The following SLC1A4 variants were observed in gnomAD, a reference collection of about 807,000 sequenced individuals.
SLC1A4 encodes neutral amino acid transporter A.
In SLC1A4, 19 loss-of-function variants were observed where a neutral mutation model predicts 37.7. That is an observed-to-expected ratio of 0.50 (90% confidence interval 0.35 to 0.74). The LOEUF (loss-of-function observed/expected upper bound fraction) is 0.74. Ranked by LOEUF, SLC1A4 falls within the 30% of genes least tolerant of loss-of-function variation. SLC1A4 has a pLI of 0.01. For synonymous variants in SLC1A4, 299 were observed against 309.8 expected, an observed-to-expected ratio of 0.97 and a Z score of 0.37; for missense variants, 570 against 712.9, an observed-to-expected ratio of 0.80 and a Z score of 2.28.
chr2:65,008,545 G>GT (rs1291056221), intron 3 of SLC1A4, among the ~76,000 whole-genome samples: 4 of 152,302 alleles, frequency 2.6e-5, no homozygotes, highest in South Asian at 4.1e-4. Flanking sequence ...GGAGGCTGAG[G>GT]TAAGAGGATT....
chr2:64,990,185 C>G lies in SLC1A4; in HGVS notation c.527+15C>G, dbSNP rs1673000727. 1 of 1,578,488 alleles carries G rather than the reference C, an allele frequency of 6.3e-7. No homozygotes were observed. The highest frequency in any genetic ancestry group is 1.3e-5 in the African/African-American group (1 of 74,306). On this transcript the variant is annotated intron_variant, in intron 1 of 7. Coordinates refer to ENST00000234256, the MANE Select transcript of SLC1A4 (RefSeq NM_003038.5). ...GACCTGGCCAGGTAACACTCTCCAC[C>G]TCTCCCAGGGCCCAGTGGGAGACGC...
At chr2:64,998,772 G>C (rs1673361794) in intron 1 of SLC1A4, among the ~76,000 whole-genome samples, 1 of 152,246 alleles carries the variant, frequency 6.6e-6, no homozygotes, top group Non-Finnish European at 1.5e-5. Flanking sequence ...CTTTAGAAGA[G>C]AATGCATTCA....
At chr2:64,991,306 CG>C (rs1673040618) in intron 1 of SLC1A4, among the ~76,000 whole-genome samples, 1 of 150,964 alleles carries the variant, frequency 6.6e-6, no homozygotes, top group African/African-American at 2.4e-5. Context: ...CTAGGACATC[CG>C]TATTTAAAAA....
chr2:65,021,151 G>A lies in SLC1A4; in HGVS notation c.*5G>A, dbSNP rs766284124. 1.6e-5 allele frequency: 25 copies of A among 1,610,524 alleles called. No individual in the cohort carries two copies. The Admixed American group carries it at 3.0e-4, about 19-fold the overall frequency. On this transcript the variant is annotated 3_prime_UTR_variant, in exon 8 of 8. Coordinates refer to ENST00000234256, the MANE Select transcript of SLC1A4 (RefSeq NM_003038.5). ...TCCAAGGAGTCGGTTCTGTGATGGG[G>A]CTGGGCTTTGGGCTTGCCTGCCAGC... is the stretch of plus-strand genomic sequence containing the variant.
rs766264960 is a variant in SLC1A4 at position 64,989,625 on chromosome 2, C to G, written c.-19C>G. The G allele has an allele frequency of 3.3e-5, 49 of 1,478,420 alleles. No individual in the cohort carries two copies. Among genetic ancestry groups the G allele is most frequent in the Non-Finnish European group, 4.4e-5 (49 of 1,120,750 alleles). The allele number at this position is 1,478,420 out of a possible 1,614,324, so 91.6% of individuals were successfully genotyped here. A position where few individuals can be genotyped will look rare whatever the true frequency, so the allele number is the denominator to read the frequency against. The stretch of plus-strand genomic sequence containing the variant: ...CCCACGTCCCCTGCCACCTCTAGCT[C>G]GGAGCGGCGTGTAGCGCCATGGAGA... On this transcript the variant is annotated 5_prime_UTR_variant, in exon 1 of 8. Transcript: ENST00000234256.
chr2:65,007,278 GTGT>G lies in SLC1A4; in HGVS notation c.633+3264_633+3266del, dbSNP rs574015699. ...AGATAGGAAGAGTGTGTTTGTGTGT[GTGT>G]GTGTGTGTCTGTGGTGATGGGTACT... On this transcript the variant is annotated intron_variant, in intron 3 of 7. Coordinates refer to ENST00000234256, the MANE Select transcript of SLC1A4 (RefSeq NM_003038.5). 2.6e-4 allele frequency among the ~76,000 whole-genome samples: 39 copies of G among 151,506 alleles called. No individual in the cohort carries two copies. In the South Asian group the frequency reaches 7.7e-3, roughly 30 times the overall value.
chr2:65,010,785 A>T (rs754532013), intron 4 of SLC1A4, 22 bp downstream of exon 4: 2 of 1,597,020 alleles, frequency 1.3e-6, no homozygotes, highest in Admixed American at 3.5e-5. Flanking sequence ...TTTGCTGCCT[A>T]CTCTCTCTCT....
intron 4 of SLC1A4, among the ~76,000 whole-genome samples, chr2:65,013,630 A>G (rs1460446249): frequency 6.6e-6 from 1 of 152,240 alleles, no homozygotes; most frequent in Non-Finnish European, 1.5e-5. Flanking sequence ...GTCTAACTGC[A>G]GCAAGAGAGC....
Position 65,021,314 on chromosome 2 carries a change from C to T in SLC1A4, c.*168C>T. On this transcript the variant is annotated 3_prime_UTR_variant, in exon 8 of 8. Coordinates refer to ENST00000234256, the MANE Select transcript of SLC1A4 (RefSeq NM_003038.5). ...CCTCTCGGCACTGGCATTGGGCTCC[C>T]CAGCCGGAACTGGTTACCAAGGACA... 1.6e-6 allele frequency: 1 copy of T among 608,050 alleles called. No homozygotes were observed. 37.7% of individuals were successfully genotyped at this position (608,050 alleles called of 1,614,324 possible).
At chr2:65,008,598 G>A (rs949586482) in intron 3 of SLC1A4, among the ~76,000 whole-genome samples, 6 of 152,038 alleles carry the variant, frequency 3.9e-5, no homozygotes, top group Non-Finnish European at 7.4e-5. Context: ...CCGTGTTCAC[G>A]CCACTGCACT....
chr2:65,003,927 G>A (rs62140369), intron 2 of SLC1A4, 26 bp from the exon 3 acceptor site: 22 of 1,595,736 alleles, frequency 1.4e-5, no homozygotes, highest in Non-Finnish European at 1.8e-5. Context: ...CACTAACAGT[G>A]GGTTTTTTTT....
Position 65,021,268 on chromosome 2 carries a change from C to T in SLC1A4, c.*122C>T. On this transcript the variant is annotated 3_prime_UTR_variant, in exon 8 of 8. Coordinates refer to ENST00000234256, the MANE Select transcript of SLC1A4 (RefSeq NM_003038.5). ...TACCCTCCCAAGCAATGCTTTGGCC[C>T]AGTCGCTGGCCTGAGGCTTACCTCT... 8 of 753,884 alleles carry T rather than the reference C, an allele frequency of 1.1e-5. No homozygotes were observed. In the South Asian group the frequency reaches 1.3e-4, roughly 12 times the overall value. 46.7% of individuals were successfully genotyped at this position (753,884 alleles called of 1,614,324 possible). A position where few individuals can be genotyped will look rare whatever the true frequency, so the allele number is the denominator to read the frequency against.
intron 1 of SLC1A4, among the ~76,000 whole-genome samples, chr2:64,991,935 G>A (rs896942598): frequency 6.6e-6 from 1 of 152,300 alleles, no homozygotes; most frequent in East Asian, 1.9e-4. Context: ...TAGAGATGGG[G>A]TTTCACTATG....
At chr2:65,013,011 G>A (rs1023156100) in intron 4 of SLC1A4, among the ~76,000 whole-genome samples, 57 of 152,278 alleles carry the variant, frequency 3.7e-4, no homozygotes, top group Middle Eastern at 3.4e-3. Context: ...CAGTTCTACA[G>A]GCTATACAGG....
chr2:65,008,679 T>C (rs1673783480), intron 3 of SLC1A4, among the ~76,000 whole-genome samples: 1 of 152,164 alleles, frequency 6.6e-6, no homozygotes. Context: ...TCTTATTGTC[T>C]ATGGAATTAA....
At chr2:65,000,253 A>G (rs1048252406) in intron 1 of SLC1A4, 3 of 152,178 alleles carry the variant, frequency 2.0e-5, no homozygotes, top group African/African-American at 7.2e-5. Context: ...CAGTAAAACT[A>G]TTTGCATGAA....
chr2:65,017,305 A>G (rs1060315), intron 5 of SLC1A4, among the ~76,000 whole-genome samples: 6,919 of 151,374 alleles, frequency 0.046, 512 homozygotes, highest in African/African-American at 0.16. Context: ...GGATTGTCTC[A>G]TTTGGCACAA....
At chr2:65,005,952 A>G (rs1258490020) in intron 3 of SLC1A4, among the ~76,000 whole-genome samples, 1 of 152,038 alleles carries the variant, frequency 6.6e-6, no homozygotes, top group Middle Eastern at 3.2e-3. Context: ...GCAGTGAGTC[A>G]TGATCGTGCC....
At chr2:65,020,851 C>A in intron 7 of SLC1A4, 61 bp from the exon 8 acceptor site, 1 of 1,409,150 alleles carries the variant, frequency 7.1e-7, no homozygotes, top group South Asian at 1.2e-5. Flanking sequence ...TCCAGGCTGC[C>A]TGTGACAGGA....
Sources: allele counts gnomAD v4.1 joint callset (sites outside exome capture counted in the v4.1 genomes callset), GRCh38; gene constraint gnomAD v4.1.1; transcripts MANE v1.5; gene names NCBI Gene and HGNC (gene_info 2026-07-23, HGNC 2026-07-21).